ZNF610: variants seen among roughly 807,000 people sequenced by gnomAD.
ZNF610 encodes zink finger protein.
A neutral mutation model predicts 14.1 loss-of-function variants in ZNF610; 14 were observed. That is an observed-to-expected ratio of 0.99 (90% CI 0.65 to 1.55). ZNF610 has a LOEUF of 1.55. Among genes scored for constraint, ZNF610 ranks in the 40% most tolerant of loss-of-function variants. The pLI is 0.00. For missense variants in ZNF610, 530 were observed against 558.0 expected, an observed-to-expected ratio of 0.95 and a Z score of 0.51; for synonymous variants, 185 against 187.6, an observed-to-expected ratio of 0.99 and a Z score of 0.11.
At chr19:52,345,144 A>C (rs893024347) in intron 1 of ZNF610, 6 of 152,208 alleles carry the variant, frequency 3.9e-5, no homozygotes, top group African/African-American at 1.4e-4. Flanking sequence ...TAGGCAGTAC[A>C]GTCATCCCTC....
chr19:52,348,880 C>T (rs953385190), intron 2 of ZNF610, among the ~76,000 whole-genome samples: 1 of 152,190 alleles, frequency 6.6e-6, no homozygotes, highest in African/African-American at 2.4e-5. Flanking sequence ...ACAGCTGTGT[C>T]TCTTCCCTGA....
At chr19:52,346,701 T>C (rs1426717624) in intron 1 of ZNF610, among the ~76,000 whole-genome samples, 1 of 152,178 alleles carries the variant, frequency 6.6e-6, no homozygotes, top group East Asian at 1.9e-4. Flanking sequence ...TAGATATTTT[T>C]CTTCCTCTCT....
At chr19:52,353,625 A>G (rs893342346) in intron 3 of ZNF610, 57 bp from the exon 4 acceptor site, 3 of 1,593,030 alleles carry the variant, frequency 1.9e-6, no homozygotes, top group Middle Eastern at 1.8e-4. Flanking sequence ...TTTATCAACT[A>G]AATTGAGTAC....
At chr19:52,362,028 C>G (rs896209577) in intron 5 of ZNF610, among the ~76,000 whole-genome samples, 3 of 152,202 alleles carry the variant, frequency 2.0e-5, no homozygotes, top group Admixed American at 6.5e-5. Context: ...TAAGGTGATT[C>G]TCTTATCTCA....
chr19:52,362,479 C>G (rs955549768), intron 5 of ZNF610, among the ~76,000 whole-genome samples: 1 of 152,206 alleles, frequency 6.6e-6, no homozygotes, highest in African/African-American at 2.4e-5. Context: ...GTCTGCAACT[C>G]CTGGCTTGAA....
At chr19:52,346,757 G>A (rs987569337) in intron 1 of ZNF610, among the ~76,000 whole-genome samples, 4 of 151,926 alleles carry the variant, frequency 2.6e-5, no homozygotes, top group African/African-American at 9.7e-5. Flanking sequence ...TTGAGACCGA[G>A]TCTCGCTCTG....
In ZNF610 at chr19:52,366,598, A is replaced by G. The variant is rs771694640; in HGVS notation, c.1220A>G (p.Lys407Arg). The change falls in exon 6 of 6, where the codon AAA becomes AGA. Residue 407 changes from lysine to arginine, a missense_variant. By Grantham distance (26) the Lys-to-Arg change is conservative. Transcript: ENST00000403906. ...CCTTACAAATGTAATGAATGTGACA[A>G]AGTCTTTGGGCGCAAATTATACCTA... ...EKPYKCNECDKVFGRKLYLTN... is the reference protein window; with the variant it reads ...EKPYKCNECDRVFGRKLYLTN... 6.2e-7 allele frequency: 1 copy of G among 1,614,226 alleles called. No homozygotes were observed. The highest frequency in any genetic ancestry group is 1.1e-5 in the South Asian group (1 of 91,086).
At chr19:52,354,136 G>T in intron 4 of ZNF610, 115 bp from the exon 5 acceptor site, 1 of 1,422,738 alleles carries the variant, frequency 7.0e-7, no homozygotes, top group South Asian at 1.3e-5. Flanking sequence ...GTCTGTGGGT[G>T]AACTTGTGAG....
upstream of ZNF610, among the ~76,000 whole-genome samples, chr19:52,335,405 C>T (rs531201204): frequency 6.6e-6 from 1 of 152,232 alleles, no homozygotes; most frequent in East Asian, 1.9e-4. Context: ...GCCAGACTCT[C>T]ACGGAGATGC....
At chr19:52,341,204 C>T (rs1984675488) in intron 1 of ZNF610, among the ~76,000 whole-genome samples, 1 of 152,196 alleles carries the variant, frequency 6.6e-6, no homozygotes, top group African/African-American at 2.4e-5. Context: ...TCAATTCTTG[C>T]CCCTAGTTCT....
At chr19:52,350,633 AC>A (rs1985204840) in intron 3 of ZNF610, among the ~76,000 whole-genome samples, 1 of 147,998 alleles carries the variant, frequency 6.8e-6, no homozygotes, top group African/African-American at 2.5e-5. Context: ...AGCCAAGGTC[AC>A]GCCACTGCAC....
chr19:52,364,656 G>A (rs1253314243), intron 5 of ZNF610, among the ~76,000 whole-genome samples: 1 of 152,110 alleles, frequency 6.6e-6, no homozygotes, highest in African/African-American at 2.4e-5. Context: ...TCCATGCCCC[G>A]CCTTCCCCCA....
intron 5 of ZNF610, among the ~76,000 whole-genome samples, chr19:52,362,280 A>G (rs527327399): frequency 6.6e-6 from 1 of 152,372 alleles, no homozygotes; most frequent in African/African-American, 2.4e-5. Context: ...GCATGGTGGC[A>G]CACGCCTGTA....
In ZNF610 at chr19:52,360,457, T is replaced by A. The variant is rs1985723359; in HGVS notation, c.320-5241T>A. ...ACAGCTATATTCTCAATAGAAATAA[T>A]GCAACATGGGCTTTCTTTTTATTTT... On this transcript the variant is annotated intron_variant, in intron 5 of 5. Transcript: ENST00000403906. Among the ~76,000 whole-genome samples, 2 of 152,236 alleles carry A rather than the reference T, an allele frequency of 1.3e-5. 1 individual carries two copies. The highest frequency in any genetic ancestry group is 3.8e-4 in the East Asian group (2 of 5,202).
intron 5 of ZNF610, among the ~76,000 whole-genome samples, chr19:52,361,169 A>G (rs953886555): frequency 8.9e-5 from 13 of 146,778 alleles, no homozygotes; most frequent in Admixed American, 2.7e-4. Context: ...CAGTTGTACA[A>G]TCTCATTTTC....
chr19:52,330,586 A>G, the ZNF610 span, among the ~76,000 whole-genome samples: 3 of 152,226 alleles, frequency 2.0e-5, no homozygotes, highest in Non-Finnish European at 4.4e-5. Flanking sequence ...GAGCATCTCC[A>G]AAGAGACTAA....
intron 1 of ZNF610, among the ~76,000 whole-genome samples, chr19:52,339,887 G>A (rs1017130854): frequency 6.6e-5 from 10 of 152,258 alleles, no homozygotes; most frequent in Admixed American, 2.6e-4. Flanking sequence ...TTGAACTCCC[G>A]ACCTCAGGTG....
At chr19:52,340,022 C>T (rs945871341) in intron 1 of ZNF610, among the ~76,000 whole-genome samples, 12 of 152,180 alleles carry the variant, frequency 7.9e-5, no homozygotes, top group Admixed American at 2.0e-4. Flanking sequence ...CACCTTTAAC[C>T]CGTGGAATCT....
chr19:52,357,259 G>C (rs189223570), intron 5 of ZNF610, among the ~76,000 whole-genome samples: 20 of 152,256 alleles, frequency 1.3e-4, no homozygotes, highest in African/African-American at 4.3e-4. Context: ...CCTCATATCT[G>C]TAACCCAAGA....
Sources: allele counts gnomAD v4.1 joint callset (sites outside exome capture counted in the v4.1 genomes callset), GRCh38; gene constraint gnomAD v4.1.1; transcripts MANE v1.5; gene names NCBI Gene and HGNC (gene_info 2026-07-23, HGNC 2026-07-21).